Variants in EYS observed in about 807,000 individuals in gnomAD.
EYS encodes EGF-like photoreceptor maintenance factor, also known as protein eyes shut homolog.
A neutral mutation model predicts 282.1 loss-of-function variants in EYS; 250 were observed. The observed-to-expected ratio is 0.89, with a 90% CI of 0.80 to 0.98. EYS has a LOEUF of 0.98. Among genes scored for constraint, EYS ranks in the 50% least tolerant of loss-of-function variants. EYS has a pLI of 0.00. For missense variants in EYS, 4,016 were observed against 3,709.0 expected, an observed-to-expected ratio of 1.08 and a Z score of -2.15; for synonymous variants, 1,355 against 1,282.9, an observed-to-expected ratio of 1.06 and a Z score of -1.20.
chr6:64,364,760 G>A (rs1310185259), intron 29 of EYS, among the ~76,000 whole-genome samples: 1 of 151,440 alleles, frequency 6.6e-6, no homozygotes, highest in Non-Finnish European at 1.5e-5. Context: ...AGGTGGGTGG[G>A]TGGGAGTGGG....
intron 33 of EYS, among the ~76,000 whole-genome samples, chr6:64,060,375 A>C (rs1771124317): frequency 6.6e-6 from 1 of 152,188 alleles, no homozygotes; most frequent in Non-Finnish European, 1.5e-5. Context: ...GCAAGCTGCA[A>C]TGCAGAGGAT....
At chr6:63,947,308 A>G (rs559015038) in intron 35 of EYS, among the ~76,000 whole-genome samples, 2 of 152,198 alleles carry the variant, frequency 1.3e-5, no homozygotes, top group Non-Finnish European at 2.9e-5. Context: ...AAATATGAAG[A>G]TAATAAGCAG....
chr6:64,408,133 T>C (rs2150441508), intron 28 of EYS, among the ~76,000 whole-genome samples: 1 of 152,202 alleles, frequency 6.6e-6, no homozygotes, highest in East Asian at 1.9e-4. Context: ...GGAGAAGGAA[T>C]GGTTTAATGG....
chr6:65,360,663 A>G (rs771206182), intron 8 of EYS, among the ~76,000 whole-genome samples: 2 of 152,178 alleles, frequency 1.3e-5, no homozygotes, highest in Non-Finnish European at 1.5e-5. Flanking sequence ...AAAATTCAAC[A>G]AATATTTTCT....
chr6:65,676,626 A>G (rs1358487268), intron 1 of EYS, among the ~76,000 whole-genome samples: 2 of 151,892 alleles, frequency 1.3e-5, no homozygotes, highest in Non-Finnish European at 2.9e-5. Context: ...ATTCTACCAA[A>G]TATGTAGAGA....
intron 29 of EYS, among the ~76,000 whole-genome samples, chr6:64,331,595 C>G (rs75935260): frequency 2.2e-4 from 13 of 60,336 alleles, no homozygotes; most frequent in South Asian, 1.8e-3. Context: ...TTCCAATAGC[C>G]CCCCCGCCCG....
chr6:64,128,399 T>C (rs1487322084), intron 31 of EYS, among the ~76,000 whole-genome samples: 1 of 152,186 alleles, frequency 6.6e-6, no homozygotes, highest in Non-Finnish European at 1.5e-5. Flanking sequence ...GAAATGAATA[T>C]CTTTCATGTA....
At chr6:64,916,523 C>G (rs941951619) in intron 15 of EYS, among the ~76,000 whole-genome samples, 2 of 152,196 alleles carry the variant, frequency 1.3e-5, no homozygotes, top group African/African-American at 4.8e-5. Context: ...TTTGAATCTG[C>G]TTCCGCACAT....
chr6:63,842,519 A>T (rs991571774), intron 36 of EYS, among the ~76,000 whole-genome samples: 1 of 152,110 alleles, frequency 6.6e-6, no homozygotes, highest in Non-Finnish European at 1.5e-5. Flanking sequence ...CCTTGATCAG[A>T]TGGATAGGTT....
intron 26 of EYS, among the ~76,000 whole-genome samples, chr6:64,505,503 T>C (rs1283829875): frequency 6.6e-6 from 1 of 152,198 alleles, no homozygotes; most frequent in East Asian, 1.9e-4. Context: ...CCCTCAATGA[T>C]GCGCCCCCTA....
intron 2 of EYS, among the ~76,000 whole-genome samples, chr6:65,603,389 G>T (rs1360321726): frequency 6.6e-6 from 1 of 151,938 alleles, no homozygotes; most frequent in Non-Finnish European, 1.5e-5. Flanking sequence ...TGTCAATTGG[G>T]ATAATATCTC....
intron 31 of EYS, among the ~76,000 whole-genome samples, chr6:64,217,831 A>G (rs1327428473): frequency 6.6e-6 from 1 of 152,196 alleles, no homozygotes; most frequent in Non-Finnish European, 1.5e-5. Context: ...ATGATTCTTC[A>G]GAGGAATTTA....
At chr6:64,023,626 C>T (rs993511013) in intron 33 of EYS, among the ~76,000 whole-genome samples, 6 of 152,210 alleles carry the variant, frequency 3.9e-5, no homozygotes, top group Admixed American at 6.5e-5. Flanking sequence ...CAACAGTGTG[C>T]GCCCTCACTA....
intron 12 of EYS, among the ~76,000 whole-genome samples, chr6:65,261,349 C>T (rs1206665712): frequency 6.6e-6 from 1 of 151,680 alleles, no homozygotes; most frequent in Non-Finnish European, 1.5e-5. Flanking sequence ...ACATCTCATC[C>T]AAATATATAC....
At chr6:64,117,842 A>T (rs1773442098) in intron 31 of EYS, among the ~76,000 whole-genome samples, 1 of 152,058 alleles carries the variant, frequency 6.6e-6, no homozygotes, top group Non-Finnish European at 1.5e-5. Context: ...ACTGACAATG[A>T]TAAATGCAGT....
chr6:64,558,756 A>G (rs1285800220), intron 26 of EYS, among the ~76,000 whole-genome samples: 1 of 152,198 alleles, frequency 6.6e-6, no homozygotes, highest in Non-Finnish European at 1.5e-5. Flanking sequence ...GTTCCTAAAA[A>G]TAATTTCCCT....
intron 2 of EYS, among the ~76,000 whole-genome samples, chr6:65,538,851 C>T (rs1259375757): frequency 2.6e-5 from 4 of 152,170 alleles, no homozygotes. Flanking sequence ...TGCCTTCACT[C>T]ACTGCATTCC....
intron 12 of EYS, among the ~76,000 whole-genome samples, chr6:65,232,419 T>C (rs570586310): frequency 3.9e-5 from 6 of 152,222 alleles, no homozygotes; most frequent in African/African-American, 1.4e-4. Flanking sequence ...TTATAATTAA[T>C]CTTTCAATTA....
intron 12 of EYS, among the ~76,000 whole-genome samples, chr6:65,282,844 T>C (rs1212977632): frequency 6.6e-6 from 1 of 152,018 alleles, no homozygotes. Flanking sequence ...TTGTATACTG[T>C]TGATTATTGG....
Sources: allele counts gnomAD v4.1 joint callset (sites outside exome capture counted in the v4.1 genomes callset), GRCh38; gene constraint gnomAD v4.1.1; transcripts MANE v1.5; gene names NCBI Gene and HGNC (gene_info 2026-07-23, HGNC 2026-07-21).